GPHN: variants seen among roughly 807,000 people sequenced by gnomAD.
GPHN encodes gephyrin.
Under a neutral mutation model 95.5 loss-of-function variants are expected in GPHN, and 17 were observed. The observed-to-expected ratio is 0.18, with a 90% CI of 0.12 to 0.27. GPHN has a LOEUF of 0.27. Among genes scored for constraint, GPHN ranks in the 10% least tolerant of loss-of-function variants. The pLI is 1.00. For missense variants in GPHN, 660 were observed against 978.1 expected, an observed-to-expected ratio of 0.67 and a Z score of 4.34; for synonymous variants, 320 against 322.5, an observed-to-expected ratio of 0.99 and a Z score of 0.08.
the GPHN span, among the ~76,000 whole-genome samples, chr14:67,309,670 T>C: frequency 5.4e-3 from 828 of 152,264 alleles, 7 homozygotes; most frequent in African/African-American, 0.019. Context: ...AGATATTCCC[T>C]CCTCACGGGT....
chr14:67,515,785 G>A, the GPHN span, among the ~76,000 whole-genome samples: 1 of 152,200 alleles, frequency 6.6e-6, no homozygotes, highest in South Asian at 2.1e-4. Flanking sequence ...GGCTACCTGA[G>A]GGCCACAGAC....
At chr14:66,523,353 G>C (rs2058557171) in intron 1 of GPHN, among the ~76,000 whole-genome samples, 1 of 152,048 alleles carries the variant, frequency 6.6e-6, no homozygotes, top group Admixed American at 6.6e-5. Flanking sequence ...TAGTGATTAA[G>C]GGGTATTTGA....
chr14:66,938,874 C>T (rs902237756), intron 8 of GPHN, among the ~76,000 whole-genome samples: 5 of 152,092 alleles, frequency 3.3e-5, no homozygotes, highest in Non-Finnish European at 7.4e-5. Flanking sequence ...ATCAGTATCC[C>T]CTTAAACTAA....
At chr14:67,325,890 C>T in the GPHN span, among the ~76,000 whole-genome samples, 1 of 151,562 alleles carries the variant, frequency 6.6e-6, no homozygotes, top group African/African-American at 2.4e-5. Flanking sequence ...CTCACTGCAA[C>T]CTCCGCCTCC....
At chr14:67,350,601 G>A in the GPHN span, 1 of 1,610,722 alleles carries the variant, frequency 6.2e-7, no homozygotes, top group Non-Finnish European at 8.5e-7. Context: ...ACCCCGTTTA[G>A]TCCCCTTACC....
At chr14:66,772,536 A>G (rs1218876664) in intron 2 of GPHN, among the ~76,000 whole-genome samples, 25 of 152,244 alleles carry the variant, frequency 1.6e-4, no homozygotes, top group Non-Finnish European at 2.9e-5. Context: ...AGGGCAAAAG[A>G]GGAAGTCAGA....
chr14:66,667,711 C>G (rs927970538), intron 1 of GPHN, among the ~76,000 whole-genome samples: 2 of 142,172 alleles, frequency 1.4e-5, no homozygotes, highest in African/African-American at 5.9e-5. Context: ...GGAAGACAGC[C>G]TAGGCAACTA....
intron 1 of GPHN, among the ~76,000 whole-genome samples, chr14:66,572,869 T>G (rs1835706965): frequency 6.6e-6 from 1 of 152,216 alleles, no homozygotes; most frequent in African/African-American, 2.4e-5. Flanking sequence ...CTTTCTACTG[T>G]TGTGTATGAT....
At chr14:67,049,984 A>G (rs2075234418) in intron 10 of GPHN, among the ~76,000 whole-genome samples, 1 of 152,176 alleles carries the variant, frequency 6.6e-6, no homozygotes, top group Non-Finnish European at 1.5e-5. Flanking sequence ...AGAGAATTAC[A>G]ATACTCCTCC....
intron 1 of GPHN, among the ~76,000 whole-genome samples, chr14:66,577,927 A>G (rs2060974904): frequency 6.6e-6 from 1 of 152,012 alleles, no homozygotes; most frequent in South Asian, 2.1e-4. Context: ...TAGACAGAGG[A>G]CTGAAAGTAG....
chr14:67,432,550 C>T, the GPHN span, among the ~76,000 whole-genome samples: 3,583 of 152,300 alleles, frequency 0.024, 58 homozygotes, highest in Non-Finnish European at 0.036. Context: ...TTTAGAGCAT[C>T]GTACCTTTAA....
the GPHN span, among the ~76,000 whole-genome samples, chr14:67,204,084 C>G: frequency 6.6e-6 from 1 of 152,142 alleles, no homozygotes; most frequent in Non-Finnish European, 1.5e-5. Flanking sequence ...AGCCCCTACC[C>G]AGACCTATCT....
chr14:66,853,344 A>G (rs538972331), intron 4 of GPHN, among the ~76,000 whole-genome samples: 2 of 152,340 alleles, frequency 1.3e-5, no homozygotes, highest in Non-Finnish European at 2.9e-5. Flanking sequence ...TAAAAAAAAT[A>G]AAGTATGCCT....
chr14:67,338,347 C>T, the GPHN span: 13 of 308,344 alleles, frequency 4.2e-5, no homozygotes, highest in African/African-American at 1.7e-4. Context: ...AAGCAGATCA[C>T]GTGTAACACA....
At chr14:67,009,698 T>G (rs1408702553) in intron 9 of GPHN, among the ~76,000 whole-genome samples, 1 of 152,134 alleles carries the variant, frequency 6.6e-6, no homozygotes, top group East Asian at 1.9e-4. Flanking sequence ...TATATTATAC[T>G]AAAAGGTTTG....
At chr14:67,726,350 C>T in the GPHN span, among the ~76,000 whole-genome samples, 1 of 152,172 alleles carries the variant, frequency 6.6e-6, no homozygotes, top group Non-Finnish European at 1.5e-5. Context: ...CTACCCATAC[C>T]ATTAAGAAGC....
the GPHN span, among the ~76,000 whole-genome samples, chr14:67,513,728 G>A: frequency 6.6e-6 from 1 of 152,246 alleles, no homozygotes; most frequent in East Asian, 1.9e-4. Flanking sequence ...CACCAGTCTA[G>A]GGCCCTCCAG....
Position 66,929,805 on chromosome 14 carries a change from G to A in GPHN, c.828+5513G>A, listed in dbSNP as rs1245697991. ...TGGCTCACTGCAGTCTCTGCCTCCC[G>A]GGTTCACGCCATTCTCCTGCCTCAG... On this transcript the variant is annotated intron_variant, in intron 8 of 22. Transcript: ENST00000478722. Among the ~76,000 whole-genome samples the A allele has an allele frequency of 8.6e-5, 13 of 151,636 alleles. No individual in the cohort carries two copies. In the East Asian group the frequency reaches 2.3e-3, roughly 27 times the overall value.
chr14:66,781,859 A>G (rs2059619426), intron 3 of GPHN, among the ~76,000 whole-genome samples: 1 of 152,206 alleles, frequency 6.6e-6, no homozygotes. Flanking sequence ...CCTGGTACTC[A>G]TGTATAAGTT....
Sources: gnomAD v4.1 joint callset for allele counts (sites outside exome capture counted in the v4.1 genomes callset) on GRCh38, gnomAD v4.1.1 for gene constraint, MANE v1.5 for transcripts, NCBI Gene and HGNC (gene_info 2026-07-23, HGNC 2026-07-21) for gene names.